NDUFAF6: variants seen among roughly 807,000 people sequenced by gnomAD.
NDUFAF6 encodes NADH dehydrogenase (ubiquinone) complex I, assembly factor 6.
Under a neutral mutation model 40.8 loss-of-function variants are expected in NDUFAF6, and 45 were observed. The ratio of observed to expected loss-of-function variants is 1.10; its 90% CI spans 0.87 to 1.42. The LOEUF is 1.42. Ranked by LOEUF, NDUFAF6 falls within the 40% of genes most tolerant of loss-of-function variation. NDUFAF6 has a pLI of 0.00. For missense variants in NDUFAF6, 435 were observed against 418.5 expected, an observed-to-expected ratio of 1.04 and a Z score of -0.34; for synonymous variants, 185 against 155.9, an observed-to-expected ratio of 1.19 and a Z score of -1.39.
At chr8:95,032,355 T>C (rs1828954056) in intron 2 of NDUFAF6, among the ~76,000 whole-genome samples, 3 of 152,228 alleles carry the variant, frequency 2.0e-5, no homozygotes, top group Admixed American at 2.0e-4. Flanking sequence ...ACTGTGCCAT[T>C]AACATTGCAC....
Position 95,075,505 on chromosome 8 carries a change from C to CA in NDUFAF6, c.*512-127dup, listed in dbSNP as rs57917882. The CA allele has an allele frequency of 5.1e-3, 2,877 of 564,774 alleles. 79 individuals carry two copies. In the African/African-American group the frequency reaches 0.052, roughly 10 times the overall value. The allele number at this position is 564,774 out of a possible 1,614,324, so 35.0% of individuals were successfully genotyped here. A position where few individuals can be genotyped will look rare whatever the true frequency, so the allele number is the denominator to read the frequency against. ...TTATTATTTTGTCAGCCTAGATTAG[C>CA]ACTCCCTTTTTGGAGCTGGGATTTT... is the stretch of plus-strand genomic sequence containing the variant. On this transcript the variant is annotated intron_variant and NMD_transcript_variant, in intron 9 of 9. Transcript: ENST00000520757.
At chr8:95,076,077 T>A (rs1336672017) in exon 10 of NDUFAF6, 1 of 160,746 alleles carries the variant, frequency 6.2e-6, no homozygotes, top group African/African-American at 2.4e-5. Context: ...GTCTCAATGG[T>A]CTTTTTACTT....
chr8:94,943,712 C>T (rs1821756018), intron 1 of NDUFAF6, among the ~76,000 whole-genome samples: 1 of 152,152 alleles, frequency 6.6e-6, no homozygotes, highest in Non-Finnish European at 1.5e-5. Flanking sequence ...AGTTGTTTGG[C>T]ACACTACTAC....
intron 1 of NDUFAF6, among the ~76,000 whole-genome samples, chr8:94,905,562 G>A (rs1315131653): frequency 7.2e-5 from 11 of 152,060 alleles, no homozygotes; most frequent in Admixed American, 7.2e-4. Flanking sequence ...AGCTTCCCTG[G>A]TCCTTCCCCA....
chr8:95,055,171 T>G (rs1831967564), intron 8 of NDUFAF6: 1 of 152,166 alleles, frequency 6.6e-6, no homozygotes, highest in African/African-American at 2.4e-5. Context: ...GTAGTAAAGA[T>G]TTGGACAATA....
rs1200345448 is a variant in NDUFAF6 at position 94,985,515 on chromosome 8, ATTTTTTTTTTTTTT to A, written c.-84+4565_-84+4578del. On this transcript the variant is annotated intron_variant, in intron 2 of 9. Transcript: ENST00000396111. ...TATATATATATATATATATATATAT[ATTTTTTTTTTTTTT>A]TTTTTTTTTTTTTTTTTTTTTTCTG... 5.8e-3 allele frequency among the ~76,000 whole-genome samples: 38 copies of A among 6,586 alleles called. 1 individual carries two copies. Among genetic ancestry groups the A allele is most frequent in the South Asian group, 0.01 (1 of 96 alleles). 4.3% of individuals were successfully genotyped at this position (6,586 alleles called of 152,430 possible).
intron 2 of NDUFAF6, among the ~76,000 whole-genome samples, chr8:95,018,382 G>A (rs1827554909): frequency 6.6e-6 from 1 of 151,712 alleles, no homozygotes; most frequent in South Asian, 2.1e-4. Context: ...ATACAGTGAG[G>A]GTTTCTTTTT....
rs1244257980 is a variant in NDUFAF6 at position 94,946,902 on chromosome 8, G to A, written c.-799+1283G>A. ...ATACTACTTAGAATAGCAGACCTCG[G>A]TTCATTCAAAGCCAGTTGTGAGACT... is the stretch of plus-strand genomic sequence containing the variant. On this transcript the variant is annotated intron_variant, in intron 2 of 14. Coordinates refer to the NDUFAF6 transcript ENST00000396113. Among the ~76,000 whole-genome samples, 4 of 152,010 alleles carry A rather than the reference G, an allele frequency of 2.6e-5. No individual in the cohort carries two copies. In the East Asian group the frequency reaches 7.7e-4, roughly 29 times the overall value.
At chr8:95,004,976 AG>A (rs1826897036) in intron 2 of NDUFAF6, among the ~76,000 whole-genome samples, 1 of 152,146 alleles carries the variant, frequency 6.6e-6, no homozygotes, top group Admixed American at 6.5e-5. Context: ...GGCCCAAGTA[AG>A]GGGGGAGTCA....
chr8:95,045,240 A>T (rs367742833), intron 4 of NDUFAF6, among the ~76,000 whole-genome samples: 1 of 152,204 alleles, frequency 6.6e-6, no homozygotes. Context: ...TAAAGTGCCT[A>T]TGTAAGAGCT....
At chr8:94,997,405 T>G (rs1300339597) in intron 2 of NDUFAF6, among the ~76,000 whole-genome samples, 1 of 151,062 alleles carries the variant, frequency 6.6e-6, no homozygotes, top group Non-Finnish European at 1.5e-5. Flanking sequence ...GTATTTAATG[T>G]AAAAAGGAAA....
rs563687562 is a variant in NDUFAF6 at position 94,914,103 on chromosome 8, C to CTT, written c.-936+18198_-936+18199dup. ...CCGCGCCCGGCCTGAGACCTTATCT[C>CTT]TTTTTTTTTTTTTTTTTTTTTTTCA... On this transcript the variant is annotated intron_variant, in intron 1 of 14. Coordinates refer to the NDUFAF6 transcript ENST00000396113. Among the ~76,000 whole-genome samples, 781 of 97,818 alleles carry CTT rather than the reference C, an allele frequency of 8.0e-3. 4 individuals carry two copies. Among genetic ancestry groups the CTT allele is most frequent in the Non-Finnish European group, 9.1e-3 (450 of 49,410 alleles). The allele number at this position is 97,818 out of a possible 152,430, so 64.2% of individuals were successfully genotyped here.
intron 9 of NDUFAF6, chr8:95,075,539 C>A: frequency 9.2e-7 from 1 of 1,083,126 alleles, no homozygotes; most frequent in Non-Finnish European, 1.2e-6. Flanking sequence ...TTATCCTCCC[C>A]AGGCCAACCA....
chr8:95,103,335 G>A lies in NDUFAF6; in HGVS notation n.590G>A, dbSNP rs1353724769. The A allele has an allele frequency of 2.0e-5, 3 of 152,188 alleles. No individual in the cohort carries two copies. In the East Asian group the frequency reaches 5.8e-4, roughly 29 times the overall value. 9.4% of individuals were successfully genotyped at this position (152,188 alleles called of 1,614,324 possible). On this transcript the variant is annotated non_coding_transcript_exon_variant, in exon 3 of 3. Transcript: ENST00000521063. The stretch of plus-strand genomic sequence containing the variant: ...TGTACTGGTGGTTGTTAGGAACAGA[G>A]TATGGGGCCAGATATAGCTCGATCA...
chr8:95,062,169 A>G (rs1378175745), downstream of NDUFAF6, among the ~76,000 whole-genome samples: 1 of 152,024 alleles, frequency 6.6e-6, no homozygotes, highest in Non-Finnish European at 1.5e-5. Flanking sequence ...AAAAAAAAAA[A>G]AAAATTGTGT....
At chr8:95,025,268 G>A in intron 1 of NDUFAF6, 63 bp downstream of exon 1, 1 of 1,334,712 alleles carries the variant, frequency 7.5e-7, no homozygotes, top group Non-Finnish European at 9.6e-7. Flanking sequence ...GAGCGGCTGC[G>A]CCTCGCGTCT....
intron 2 of NDUFAF6, among the ~76,000 whole-genome samples, chr8:94,951,962 C>G (rs1822661825): frequency 6.6e-6 from 1 of 152,226 alleles, no homozygotes; most frequent in Non-Finnish European, 1.5e-5. Context: ...CAGCCAGGTT[C>G]CCTGCCTGGG....
At chr8:94,899,323 G>T (rs185035284) in intron 1 of NDUFAF6, among the ~76,000 whole-genome samples, 1 of 152,348 alleles carries the variant, frequency 6.6e-6, no homozygotes, top group African/African-American at 2.4e-5. Flanking sequence ...GAGACCTCTA[G>T]ATGTCCACAG....
rs138243067 is a variant in NDUFAF6 at position 94,923,979 on chromosome 8, C to T, written c.-935-21504C>T. Among the ~76,000 whole-genome samples, 571 of 152,176 alleles carry T rather than the reference C, an allele frequency of 3.8e-3. 1 individual carries two copies. Among genetic ancestry groups the T allele is most frequent in the African/African-American group, 0.013 (545 of 41,534 alleles). Reference sequence around the variant, plus strand: ...CTGGGATTACAGGCGTGAGCCACTGCGTCCAGCCTGAATTTTGCTTTTTTT... The same window carrying T: ...CTGGGATTACAGGCGTGAGCCACTGTGTCCAGCCTGAATTTTGCTTTTTTT... On this transcript the variant is annotated intron_variant, in intron 1 of 14. Coordinates refer to the NDUFAF6 transcript ENST00000396113.
Sources: allele counts gnomAD v4.1 joint callset (sites outside exome capture counted in the v4.1 genomes callset), GRCh38; gene constraint gnomAD v4.1.1; transcripts MANE v1.5; gene names NCBI Gene and HGNC (gene_info 2026-07-23, HGNC 2026-07-21).